Variants in TRIM55 observed in about 807,000 individuals in gnomAD.
The protein encoded by TRIM55 is tripartite motif-containing protein 55.
A neutral mutation model predicts 60.9 loss-of-function variants in TRIM55; 50 were observed. The ratio of observed to expected loss-of-function variants is 0.82; its 90% CI spans 0.65 to 1.04. The LOEUF (loss-of-function observed/expected upper bound fraction) is 1.04. TRIM55 is among the 50% of genes least tolerant of loss of function. The probability of loss-of-function intolerance (pLI) is 0.00; values close to 1 mark genes in which losing one functional copy is unlikely to be tolerated. For missense variants in TRIM55, 681 were observed against 666.9 expected (o/e 1.02, Z -0.23); for synonymous variants, 237 against 238.1 (o/e 1.00, Z 0.04).
At chr8:66,145,476 C>CT (rs541783715) in intron 4 of TRIM55, among the ~76,000 whole-genome samples, 9 of 151,864 alleles carry the variant, frequency 5.9e-5, no homozygotes, top group African/African-American at 1.5e-4. Context: ...ATTTATGATA[C>CT]TTTTTTTTGT....
chr8:66,159,504 A>C (rs550730732), intron 9 of TRIM55, among the ~76,000 whole-genome samples: 2 of 152,368 alleles, frequency 1.3e-5, no homozygotes, highest in South Asian at 4.1e-4. Flanking sequence ...GAACACTCAC[A>C]TATAGGTCTT....
intron 4 of TRIM55, among the ~76,000 whole-genome samples, chr8:66,144,416 C>A (rs1809994111): frequency 6.6e-6 from 1 of 152,170 alleles, no homozygotes. Context: ...ATTTGGTTCT[C>A]CCAAGAAGCC....
At chr8:66,136,189 A>C (rs952805781) in intron 3 of TRIM55, among the ~76,000 whole-genome samples, 1 of 152,120 alleles carries the variant, frequency 6.6e-6, no homozygotes, top group Non-Finnish European at 1.5e-5. Context: ...AGCATAATAG[A>C]ACTGGATGGT....
At chr8:66,165,225 A>G (rs768547169) in intron 9 of TRIM55, among the ~76,000 whole-genome samples, 9 of 152,192 alleles carry the variant, frequency 5.9e-5, no homozygotes, top group Non-Finnish European at 1.2e-4. Flanking sequence ...TGAGCCCCGC[A>G]TCTCTACTGG....
chr8:66,125,972 C>T (rs1808804470), upstream of TRIM55, among the ~76,000 whole-genome samples: 1 of 152,154 alleles, frequency 6.6e-6, no homozygotes, highest in South Asian at 2.1e-4. Flanking sequence ...CTGATTTAAA[C>T]ATTTTTAAAT....
chr8:66,173,993 G>A (rs755722528), intron 9 of TRIM55, among the ~76,000 whole-genome samples: 1 of 152,010 alleles, frequency 6.6e-6, no homozygotes, highest in African/African-American at 2.4e-5. Flanking sequence ...ATATGTATAT[G>A]CATGCTAGAA....
upstream of TRIM55, among the ~76,000 whole-genome samples, chr8:66,125,352 T>C (rs1217194447): frequency 6.6e-6 from 1 of 152,248 alleles, no homozygotes; most frequent in Admixed American, 6.5e-5. Flanking sequence ...CAATGACCTA[T>C]GTCTTGTTCA....
At chr8:66,123,056 A>C (rs143990841), upstream of TRIM55, among the ~76,000 whole-genome samples, 631 of 152,342 alleles carry the variant, frequency 4.1e-3, 2 homozygotes, top group Non-Finnish European at 7.5e-3. Flanking sequence ...ATTCTCTCTG[A>C]AGCCTGCTAC....
At chr8:66,127,738 G>A (rs1808895158) in intron 1 of TRIM55, among the ~76,000 whole-genome samples, 1 of 152,186 alleles carries the variant, frequency 6.6e-6, no homozygotes, top group Admixed American at 6.5e-5. Context: ...GGGAGGCTGA[G>A]GCAGGAGAAT....
At chr8:66,116,152 A>G in the TRIM55 span, among the ~76,000 whole-genome samples, 1 of 151,854 alleles carries the variant, frequency 6.6e-6, no homozygotes, top group African/African-American at 2.4e-5. Flanking sequence ...ATACAATATG[A>G]TGGTTAGATA....
At chr8:66,143,829 A>C (rs1351845228) in intron 4 of TRIM55, among the ~76,000 whole-genome samples, 1 of 152,228 alleles carries the variant, frequency 6.6e-6, no homozygotes, top group Non-Finnish European at 1.5e-5. Context: ...TTCTGTTCAC[A>C]GGCATTTTTT....
At chr8:66,151,658 A>G (rs1810424309) in intron 7 of TRIM55, among the ~76,000 whole-genome samples, 1 of 152,134 alleles carries the variant, frequency 6.6e-6, no homozygotes, top group Non-Finnish European at 1.5e-5. Context: ...CCTGGCCAAC[A>G]TGGTGAAACC....
chr8:66,130,849 G>T (rs1484980252), intron 2 of TRIM55, among the ~76,000 whole-genome samples: 2 of 151,718 alleles, frequency 1.3e-5, no homozygotes, highest in African/African-American at 4.8e-5. Flanking sequence ...TTTTAGTAGA[G>T]ATGGGGTTTC....
At chr8:66,150,881 G>A (rs912527518) in intron 7 of TRIM55, among the ~76,000 whole-genome samples, 3 of 152,200 alleles carry the variant, frequency 2.0e-5, no homozygotes, top group African/African-American at 7.2e-5. Flanking sequence ...GGCCAGGCTG[G>A]TCTCGAACTT....
In TRIM55 at chr8:66,174,983, C is replaced by G. The variant is rs75199577; in HGVS notation, c.*390C>G. ...ATTATATTATGGTAGCTTTCATTTCCTTTACTCTTTAACAGTGCAGGTGGT... is the reference window on the plus strand; with the variant it reads ...ATTATATTATGGTAGCTTTCATTTCGTTTACTCTTTAACAGTGCAGGTGGT... On this transcript the variant is annotated 3_prime_UTR_variant, in exon 10 of 10. Coordinates refer to ENST00000315962, the MANE Select transcript of TRIM55 (RefSeq NM_184085.2). 0.01 allele frequency: 1,635 copies of G among 156,254 alleles called. 26 individuals carry two copies. Among genetic ancestry groups the G allele is most frequent in the African/African-American group, 0.033 (1,374 of 41,582 alleles). 9.7% of individuals were successfully genotyped at this position (156,254 alleles called of 1,614,324 possible).
the TRIM55 span, chr8:66,114,736 A>G: frequency 1.5e-4 from 62 of 423,078 alleles, no homozygotes; most frequent in South Asian, 1.0e-3. Context: ...GGCTCTGGGC[A>G]GATCCGAGGT....
Position 66,154,287 on chromosome 8 carries a change from G to T in TRIM55, c.1477G>T (p.Ala493Ser). 1 of 1,614,126 alleles carries T rather than the reference G, an allele frequency of 6.2e-7. No homozygotes were observed. Among genetic ancestry groups the T allele is most frequent in the Non-Finnish European group, 8.5e-7 (1 of 1,180,026 alleles). Residue 493 changes from alanine (A) to serine (S), a missense_variant, in exon 9 of 10, where the codon GCA becomes TCA. Ala to Ser is a moderately conservative substitution (Grantham distance 99). Coordinates refer to ENST00000315962, the MANE Select transcript of TRIM55 (RefSeq NM_184085.2). ...EVAAAAASER[A>S]AVSGKETSAP... ...GGCAGCAGCCGCAGCGAGTGAGAGG[G>T]CAGCTGTGAGTGGTAAGGAAACTAG...
intron 9 of TRIM55, among the ~76,000 whole-genome samples, chr8:66,164,450 G>C (rs1249490343): frequency 2.6e-5 from 4 of 152,158 alleles, no homozygotes; most frequent in Non-Finnish European, 4.4e-5. Context: ...TTCATCCCTT[G>C]TTCTGTCTAA....
At chr8:66,151,695 T>A (rs1810427473) in intron 7 of TRIM55, among the ~76,000 whole-genome samples, 1 of 151,704 alleles carries the variant, frequency 6.6e-6, no homozygotes, top group Admixed American at 6.6e-5. Flanking sequence ...TACAAAAAAA[T>A]TAGCCGGGCG....
Sources: gnomAD v4.1 joint callset for allele counts (sites outside exome capture counted in the v4.1 genomes callset) on GRCh38, gnomAD v4.1.1 for gene constraint, MANE v1.5 for transcripts, NCBI Gene and HGNC (gene_info 2026-07-23, HGNC 2026-07-21) for gene names.